Variants in ALPK1 observed in about 807,000 individuals in gnomAD.
ALPK1 encodes alpha kinase 1, also known as alpha-protein kinase 1.
In ALPK1, 110 loss-of-function variants were observed where a neutral mutation model predicts 120.6. That is an observed-to-expected ratio of 0.91 (90% CI 0.78 to 1.07). The LOEUF is 1.07. Ranked by LOEUF, ALPK1 falls within the 50% of genes least tolerant of loss-of-function variation. The pLI, the probability that ALPK1 is intolerant of heterozygous loss-of-function variation, is 0.00. For missense variants in ALPK1, 1,498 were observed against 1,483.9 expected, an observed-to-expected ratio of 1.01 and a Z score of -0.16; for synonymous variants, 582 against 560.3, an observed-to-expected ratio of 1.04 and a Z score of -0.55.
chr4:112,362,161 A>G (rs1730943983), intron 2 of ALPK1, among the ~76,000 whole-genome samples: 1 of 152,234 alleles, frequency 6.6e-6, no homozygotes, highest in South Asian at 2.1e-4. Context: ...CAATTCTGGT[A>G]ATATGACAAA....
intron 2 of ALPK1, among the ~76,000 whole-genome samples, chr4:112,316,670 G>C (rs1048965908): frequency 2.6e-5 from 4 of 152,166 alleles, no homozygotes; most frequent in Non-Finnish European, 5.9e-5. Context: ...CCATCTTAAT[G>C]GGTGTGAGGT....
At chr4:112,356,856 A>AGG in intron 2 of ALPK1, 1 of 735,294 alleles carries the variant, frequency 1.4e-6, no homozygotes, top group Non-Finnish European at 2.5e-6. Context: ...ATTGACCTTA[A>AGG]GGGGACGGTC....
rs1355293021 is a variant in ALPK1, at chr4:112,359,586, G to T, written c.-100-18092G>T. The T allele has an allele frequency of 1.6e-5, 4 of 249,836 alleles. No homozygotes were observed. The South Asian group carries it at 1.8e-4, about 11-fold the overall frequency. The allele number at this position is 249,836 out of a possible 1,614,324, so 15.5% of individuals were successfully genotyped here. On this transcript the variant is annotated intron_variant, in intron 2 of 15. Coordinates refer to ENST00000650871, the MANE Select transcript of ALPK1 (RefSeq NM_025144.4). The stretch of plus-strand genomic sequence containing the variant: ...GCTCACCCACGGGGCTTCCCAACCA[G>T]ACCGCTCATGGTGCAAGAAGCCTGG...
At chr4:112,407,066 G>A (rs1043693531) in intron 4 of ALPK1, among the ~76,000 whole-genome samples, 1 of 152,186 alleles carries the variant, frequency 6.6e-6, no homozygotes, top group African/African-American at 2.4e-5. Flanking sequence ...TTATAGGAGT[G>A]TCAGCAGTGA....
chr4:112,302,754 A>AAACAAACAAACC (rs1727846047), intron 1 of ALPK1, among the ~76,000 whole-genome samples: 1 of 151,794 alleles, frequency 6.6e-6, no homozygotes, highest in East Asian at 1.9e-4. Context: ...ACAAACAAAC[A>AAACAAACAAACC]AACCCCTTTT....
At chr4:112,337,769 T>C (rs1729683003) in intron 2 of ALPK1, among the ~76,000 whole-genome samples, 1 of 152,186 alleles carries the variant, frequency 6.6e-6, no homozygotes, top group Admixed American at 6.5e-5. Flanking sequence ...AATTTAATTT[T>C]AAATTAATAA....
chr4:112,431,751 A>G lies in ALPK1; in HGVS notation c.2204A>G (p.His735Arg), dbSNP rs1236052632. ...GGTAGGCCCAAGAATATGGGCACAC[A>G]TCCTTCAGTCCAAAAAGAAGAAGCC... ...DSGRPKNMGT[H>R]PSVQKEEAFE... is the part of the protein sequence containing the mutation. Residue 735 changes from histidine to arginine, a missense_variant, in exon 11 of 16, where the codon CAT becomes CGT. Transcript: ENST00000650871. 6.2e-7 allele frequency: 1 copy of G among 1,614,116 alleles called. No individual in the cohort carries two copies. The highest frequency in any genetic ancestry group is 1.7e-5 in the Admixed American group (1 of 60,008).
intron 1 of ALPK1, among the ~76,000 whole-genome samples, chr4:112,310,877 C>T (rs1447608159): frequency 2.0e-5 from 3 of 152,072 alleles, no homozygotes; most frequent in Non-Finnish European, 2.9e-5. Context: ...CAGGCTGGCA[C>T]TGATCCTTGG....
Position 112,357,909 on chromosome 4 carries a change from C to A in ALPK1, c.-100-19769C>A, listed in dbSNP as rs951592515. Reference sequence around the variant, plus strand: ...TTGTGGAGCCCAGGAGCAAAGGCAGCTTCTCTGAGACCATGGGTGCTTACT... The same window carrying A: ...TTGTGGAGCCCAGGAGCAAAGGCAGATTCTCTGAGACCATGGGTGCTTACT... On this transcript the variant is annotated intron_variant, in intron 2 of 15. Coordinates refer to ENST00000650871, the MANE Select transcript of ALPK1 (RefSeq NM_025144.4). 1.0e-5 allele frequency: 11 copies of A among 1,099,464 alleles called. No homozygotes were observed. In the African/African-American group the frequency reaches 1.5e-4, roughly 15 times the overall value. The allele number at this position is 1,099,464 out of a possible 1,614,324, so 68.1% of individuals were successfully genotyped here.
chr4:112,323,608 A>T (rs1033792856), intron 2 of ALPK1, among the ~76,000 whole-genome samples: 7 of 152,216 alleles, frequency 4.6e-5, no homozygotes, highest in African/African-American at 1.7e-4. Context: ...CACACAAAAA[A>T]TAAATGTATG....
At chr4:112,435,100 T>C in intron 11 of ALPK1, 48 bp from the exon 12 acceptor site, 1 of 1,573,314 alleles carries the variant, frequency 6.4e-7, no homozygotes, top group Non-Finnish European at 8.7e-7. Context: ...TCATGAATTG[T>C]AACGTCCTTT....
intron 5 of ALPK1, among the ~76,000 whole-genome samples, chr4:112,416,190 C>T (rs1194026809): frequency 6.6e-6 from 1 of 152,124 alleles, no homozygotes; most frequent in African/African-American, 2.4e-5. Flanking sequence ...TTCTGTGAAC[C>T]TTGCTTGACT....
chr4:112,387,000 A>G (rs1732181948), intron 4 of ALPK1, among the ~76,000 whole-genome samples: 2 of 152,242 alleles, frequency 1.3e-5, no homozygotes, highest in South Asian at 2.1e-4. Context: ...GTGAAAGAGA[A>G]CAGTAAGGCC....
chr4:112,412,645 A>G (rs1031318416), intron 5 of ALPK1, among the ~76,000 whole-genome samples: 15 of 152,152 alleles, frequency 9.9e-5, no homozygotes, highest in Non-Finnish European at 2.2e-4. Flanking sequence ...TGCAAAGTCC[A>G]CTTCCATAGA....
intron 11 of ALPK1, among the ~76,000 whole-genome samples, chr4:112,434,039 CA>C (rs990108782): frequency 2.6e-5 from 4 of 151,774 alleles, no homozygotes; most frequent in East Asian, 1.9e-4. Context: ...ACATTGTTAC[CA>C]AAAAAAAGCA....
intron 2 of ALPK1, among the ~76,000 whole-genome samples, chr4:112,348,598 G>A (rs1001369112): frequency 1.3e-5 from 2 of 152,170 alleles, no homozygotes; most frequent in African/African-American, 2.4e-5. Flanking sequence ...CTGTCTTTGC[G>A]CCTGCAAAGT....
At chr4:112,392,958 AAAG>A (rs1273862461) in intron 4 of ALPK1, among the ~76,000 whole-genome samples, 1 of 152,256 alleles carries the variant, frequency 6.6e-6, no homozygotes, top group Non-Finnish European at 1.5e-5. Context: ...GGCTGAAAGC[AAAG>A]AAGGTTTATT....
rs149869368 is a variant in ALPK1 at position 112,348,737 on chromosome 4, T to A, written c.-100-28941T>A. On this transcript the variant is annotated intron_variant, in intron 2 of 15. Coordinates refer to ENST00000650871, the MANE Select transcript of ALPK1 (RefSeq NM_025144.4). Reference sequence around the variant, plus strand: ...TCGGCTGCTGGTGACATGAACACGCTGTGTGAATCACACAGCCACATGGTG... The same window carrying A: ...TCGGCTGCTGGTGACATGAACACGCAGTGTGAATCACACAGCCACATGGTG... 5.9e-3 allele frequency among the ~76,000 whole-genome samples: 898 copies of A among 152,350 alleles called. 17 individuals are homozygous for A. The highest frequency in any genetic ancestry group is 0.02 in the African/African-American group (824 of 41,582).
At chr4:112,358,175 G>A (rs867557495) in intron 2 of ALPK1, 154 of 620,046 alleles carry the variant, frequency 2.5e-4, no homozygotes, top group Middle Eastern at 8.3e-4. Context: ...CCAGGCCATC[G>A]GGCAAGTGAT....
Sources: allele counts gnomAD v4.1 joint callset (sites outside exome capture counted in the v4.1 genomes callset), GRCh38; gene constraint gnomAD v4.1.1; transcripts MANE v1.5; gene names NCBI Gene and HGNC (gene_info 2026-07-23, HGNC 2026-07-21).